The following RNF182 variants were observed in gnomAD, a reference collection of about 807,000 sequenced individuals.
RNF182 encodes the protein E3 ubiquitin-protein ligase RNF182.
RNF182 carries 15 observed loss-of-function variants against 14.4 expected under a neutral mutation model. The ratio of observed to expected loss-of-function variants is 1.04; its 90% confidence interval spans 0.70 to 1.60. The LOEUF is 1.60. Ranked by LOEUF, RNF182 falls within the 40% of genes most tolerant of loss-of-function variation. The probability of loss-of-function intolerance (pLI) is 0.00; values close to 1 mark genes in which losing one functional copy is unlikely to be tolerated. For missense variants in RNF182, 268 were observed against 294.8 expected, an observed-to-expected ratio of 0.91 and a Z score of 0.67; for synonymous variants, 128 against 122.9, an observed-to-expected ratio of 1.04 and a Z score of -0.27.
At chr6:13,939,257 T>C (rs1383368660) in intron 1 of RNF182, among the ~76,000 whole-genome samples, 1 of 152,210 alleles carries the variant, frequency 6.6e-6, no homozygotes, top group Non-Finnish European at 1.5e-5. Flanking sequence ...CTGATAGATT[T>C]TGATTGGAAT....
At chr6:13,974,817 AT>A (rs1473271423) in intron 2 of RNF182, among the ~76,000 whole-genome samples, 1 of 151,648 alleles carries the variant, frequency 6.6e-6, no homozygotes, top group East Asian at 1.9e-4. Flanking sequence ...TTTTTTTCTG[AT>A]GTCTTTATGC....
chr6:13,968,712 C>T (rs1286222839), intron 1 of RNF182, among the ~76,000 whole-genome samples: 4 of 152,108 alleles, frequency 2.6e-5, no homozygotes, highest in Non-Finnish European at 4.4e-5. Context: ...AAAAAGAATG[C>T]ACACACACAA....
In RNF182 at chr6:13,977,071, C is replaced by G; in HGVS notation, c.-49C>G. ...TTCAGAGGGGCACCTTAATCAAAGC[C>G]ATTCTTCAACAAGACCCACCTGGCA... is the stretch of plus-strand genomic sequence containing the variant. On this transcript the variant is annotated 5_prime_UTR_variant, in exon 3 of 3. Transcript: ENST00000488300. The G allele has an allele frequency of 1.9e-6, 3 of 1,556,682 alleles. No individual in the cohort carries two copies. The highest frequency in any genetic ancestry group is 2.6e-6 in the Non-Finnish European group (3 of 1,148,836).
Position 13,978,016 on chromosome 6 carries a change from T to A in RNF182, c.*153T>A. On this transcript the variant is annotated 3_prime_UTR_variant, in exon 3 of 3. Coordinates refer to ENST00000488300, the MANE Select transcript of RNF182 (RefSeq NM_152737.4). ...CATGTTGACTTGATTGGTTTTCCTGTAGGCTGGAAGTAAAAATGTTCATTT... is the reference window on the plus strand; with the variant it reads ...CATGTTGACTTGATTGGTTTTCCTGAAGGCTGGAAGTAAAAATGTTCATTT... The A allele has an allele frequency of 1.2e-6, 1 of 868,076 alleles. No individual in the cohort carries two copies. The highest frequency in any genetic ancestry group is 1.7e-6 in the Non-Finnish European group (1 of 574,432). The allele number at this position is 868,076 out of a possible 1,614,324, so 53.8% of individuals were successfully genotyped here. A position where few individuals can be genotyped will look rare whatever the true frequency, so the allele number is the denominator to read the frequency against.
At chr6:13,940,352 A>C (rs1759263086) in intron 1 of RNF182, among the ~76,000 whole-genome samples, 1 of 152,148 alleles carries the variant, frequency 6.6e-6, no homozygotes, top group Non-Finnish European at 1.5e-5. Context: ...AATAAATCCA[A>C]CTGATGTGCT....
chr6:13,964,510 T>C (rs947756998), intron 1 of RNF182, among the ~76,000 whole-genome samples: 21 of 152,164 alleles, frequency 1.4e-4, no homozygotes, highest in African/African-American at 5.1e-4. Flanking sequence ...CAAGCTAAAG[T>C]GGCTTGCTAT....
At chr6:13,957,059 C>G (rs2113623468) in intron 1 of RNF182, among the ~76,000 whole-genome samples, 1 of 152,316 alleles carries the variant, frequency 6.6e-6, no homozygotes, top group African/African-American at 2.4e-5. Flanking sequence ...GGTATTCAAA[C>G]TAGAGTGACT....
chr6:13,936,114 G>A (rs532910040), intron 1 of RNF182, among the ~76,000 whole-genome samples: 10 of 152,280 alleles, frequency 6.6e-5, no homozygotes, highest in Admixed American at 2.6e-4. Flanking sequence ...ATTCTGTCGC[G>A]AGATAGCACT....
In RNF182 at chr6:13,963,881, A is replaced by G. The variant is rs145190001; in HGVS notation, c.-366-10329A>G. On this transcript the variant is annotated intron_variant, in intron 1 of 2. Coordinates refer to ENST00000488300, the MANE Select transcript of RNF182 (RefSeq NM_152737.4). ...AGGTCTGTGGAGAATTATTGCAGCC[A>G]TATTTGCAGACAAGTTGCCACACAT... is the stretch of plus-strand genomic sequence containing the variant. 4.5e-3 allele frequency among the ~76,000 whole-genome samples: 679 copies of G among 152,290 alleles called. 6 individuals are homozygous for G. The highest frequency in any genetic ancestry group is 0.014 in the Middle Eastern group (4 of 294).
intron 1 of RNF182, among the ~76,000 whole-genome samples, chr6:13,938,653 T>C (rs922477225): frequency 6.6e-6 from 1 of 152,232 alleles, no homozygotes. Flanking sequence ...AAATGATTTT[T>C]ATCTATGTAA....
chr6:13,960,693 G>GCA (rs1554126705), intron 1 of RNF182, among the ~76,000 whole-genome samples: 21 of 109,142 alleles, frequency 1.9e-4, no homozygotes, highest in South Asian at 1.2e-3. Context: ...GTGTGTGTGT[G>GCA]CGCGCGTGCA....
rs80029194 is a variant in RNF182, at chr6:13,926,871, A to T, written c.-367+1848A>T. On this transcript the variant is annotated intron_variant, in intron 1 of 2. Coordinates refer to ENST00000488300, the MANE Select transcript of RNF182 (RefSeq NM_152737.4). The stretch of plus-strand genomic sequence containing the variant: ...GCAAAACCAGTATTCAAGTTCAAGG[A>T]CTTGGTCCGTGCTTTCTGCCAGATG... Among the ~76,000 whole-genome samples, 99 of 151,824 alleles carry T rather than the reference A, an allele frequency of 6.5e-4. 1 individual carries two copies. The East Asian group carries it at 0.017, about 26-fold the overall frequency.
rs1554126702 is a variant in RNF182, at chr6:13,960,697, G to GCA, written c.-366-13512_-366-13511insAC. Among the ~76,000 whole-genome samples, 497 of 149,830 alleles carry GCA rather than the reference G, an allele frequency of 3.3e-3. 5 individuals carry two copies. The highest frequency in any genetic ancestry group is 0.01 in the Middle Eastern group (3 of 294). On this transcript the variant is annotated intron_variant, in intron 1 of 2. Transcript: ENST00000488300. ...TGTGTGTGTGTGTGTGTGTGTGCGC[G>GCA]CGTGCACATGCATGTGATGTACAGT...
At chr6:13,939,475 A>G (rs977340838) in intron 1 of RNF182, among the ~76,000 whole-genome samples, 5 of 150,714 alleles carry the variant, frequency 3.3e-5, no homozygotes, top group Non-Finnish European at 5.9e-5. Context: ...TTCACCTTGT[A>G]ATTTTTTGTT....
chr6:13,948,079 C>G (rs1249455637), intron 1 of RNF182, among the ~76,000 whole-genome samples: 1 of 152,102 alleles, frequency 6.6e-6, no homozygotes, highest in Non-Finnish European at 1.5e-5. Context: ...AAAACAAAGG[C>G]AAAAAGTCAT....
At position 13,977,695 on chromosome 6, in the gene RNF182, C is replaced by G. The variant is rs1760373705; in HGVS notation, c.576C>G (p.Leu192=). 1 of 1,614,070 alleles carries G rather than the reference C, an allele frequency of 6.2e-7. No homozygotes were observed. Among genetic ancestry groups the G allele is most frequent in the Non-Finnish European group, 8.5e-7 (1 of 1,180,032 alleles). ...TGTTAGTGTGGTTGCTAGGTTTGCT[C>G]TACTTCAGCTCCTTACCCTTAGGAA... ...IRVLVWLLGL[L]YFSSLPLGIY... The change falls in exon 3 of 3, where the codon CTC becomes CTG. Residue 192 remains leucine, a synonymous_variant. Coordinates refer to ENST00000488300, the MANE Select transcript of RNF182 (RefSeq NM_152737.4).
At chr6:13,927,967 G>A (rs1561773151) in intron 1 of RNF182, among the ~76,000 whole-genome samples, 1 of 152,220 alleles carries the variant, frequency 6.6e-6, no homozygotes, top group Non-Finnish European at 1.5e-5. Context: ...CTGACCTGCT[G>A]TGCACAGTGG....
intron 1 of RNF182, among the ~76,000 whole-genome samples, chr6:13,955,675 A>C (rs1204363820): frequency 6.6e-6 from 1 of 152,172 alleles, no homozygotes; most frequent in Non-Finnish European, 1.5e-5. Flanking sequence ...GAATGTTTCC[A>C]TGTCTCAGTT....
intron 1 of RNF182, among the ~76,000 whole-genome samples, chr6:13,957,121 C>G (rs190353371): frequency 6.6e-6 from 1 of 152,176 alleles, no homozygotes; most frequent in Non-Finnish European, 1.5e-5. Flanking sequence ...GTCTGTCACA[C>G]GGCAAAACTA....
Sources: gnomAD v4.1 joint callset for allele counts (sites outside exome capture counted in the v4.1 genomes callset) on GRCh38, gnomAD v4.1.1 for gene constraint, MANE v1.5 for transcripts, NCBI Gene and HGNC (gene_info 2026-07-23, HGNC 2026-07-21) for gene names.